URB2: variants seen among roughly 807,000 people sequenced by gnomAD.
URB2 encodes unhealthy ribosome biogenesis protein 2 homolog.
Under a neutral mutation model 120.9 loss-of-function variants are expected in URB2, and 86 were observed. The ratio of observed to expected loss-of-function variants is 0.71; its 90% CI spans 0.60 to 0.85. The LOEUF (loss-of-function observed/expected upper bound fraction) is 0.85. URB2 is among the 40% of genes least tolerant of loss of function. The pLI, the probability that URB2 is intolerant of heterozygous loss-of-function variation, is 0.00. For missense variants in URB2, 1,765 were observed against 1,836.5 expected (o/e 0.96, Z 0.71); for synonymous variants, 755 against 758.4 (o/e 1.00, Z 0.07).
chr1:229,635,939 G>T lies in URB2; in HGVS notation c.1326G>T (p.Glu442Asp), dbSNP rs761530242. 6.2e-7 allele frequency: 1 copy of T among 1,614,080 alleles called. No individual in the cohort carries two copies. The highest frequency in any genetic ancestry group is 8.5e-7 in the Non-Finnish European group (1 of 1,180,040). Residue 442 changes from glutamate (E) to aspartate (D), a missense_variant, in exon 4 of 10, where the codon GAG (glutamate) becomes GAT (aspartate). Glu to Asp is a conservative substitution (Grantham distance 45). Transcript: ENST00000258243. ...ASAWIDAEVT[E>D]FRTKKAQEAL... The stretch of plus-strand genomic sequence containing the variant: ...CGTGGATCGATGCCGAGGTAACAGA[G>T]TTTCGAACCAAAAAAGCCCAGGAGG...
intron 4 of URB2, among the ~76,000 whole-genome samples, chr1:229,642,733 A>G (rs1360805579): frequency 6.6e-6 from 1 of 152,184 alleles, no homozygotes; most frequent in Non-Finnish European, 1.5e-5. Flanking sequence ...TTGCAGCCCT[A>G]CCGATTTTAT....
chr1:229,635,331 A>G lies in URB2; in HGVS notation c.718A>G (p.Met240Val), dbSNP rs771663196. ...SRDIRSQIEA[M>V]FRGGIFQPEL... ...GGACATCAGGAGTCAGATTGAGGCC[A>G]TGTTCCGAGGAGGGATTTTTCAGCC... Residue 240 changes from methionine (M) to valine (V), a missense_variant, in exon 4 of 10, where the codon ATG becomes GTG. Coordinates refer to ENST00000258243, the MANE Select transcript of URB2 (RefSeq NM_014777.4). 17 of 1,614,130 alleles carry G rather than the reference A, an allele frequency of 1.1e-5. No homozygotes were observed. Among genetic ancestry groups the G allele is most frequent in the Non-Finnish European group, 1.2e-5 (14 of 1,179,980 alleles).
At position 229,636,496 on chromosome 1, in the gene URB2, A is replaced by T; in HGVS notation, c.1883A>T (p.His628Leu). Residue 628 changes from histidine (H) to leucine (L), a missense_variant, in exon 4 of 10, where the codon CAC (histidine) becomes CTC (leucine). By Grantham distance (99) the His-to-Leu change is moderately conservative. Coordinates refer to ENST00000258243, the MANE Select transcript of URB2 (RefSeq NM_014777.4). ...TTCAGTTTGAACTGTAGCCAGTATC[A>T]CTCTATGTCTGGGCCCCTTATAGGT... ...AMFSLNCSQY[H>L]SMSGPLIGVA... 6.2e-7 allele frequency: 1 copy of T among 1,613,948 alleles called. No individual in the cohort carries two copies. Among genetic ancestry groups the T allele is most frequent in the Non-Finnish European group, 8.5e-7 (1 of 1,179,998 alleles).
chr1:229,643,709 C>G lies in URB2; in HGVS notation c.3795+16C>G. On this transcript the variant is annotated intron_variant, in intron 5 of 9. Coordinates refer to ENST00000258243, the MANE Select transcript of URB2 (RefSeq NM_014777.4). Reference sequence around the variant, plus strand: ...AGATGTGCAGGTGGGTGCCTTCTCCCTCCTTGTGTGGCAGGCTCAGAAACC... The same window carrying G: ...AGATGTGCAGGTGGGTGCCTTCTCCGTCCTTGTGTGGCAGGCTCAGAAACC... The G allele has an allele frequency of 6.2e-7, 1 of 1,604,450 alleles. No homozygotes were observed. Among genetic ancestry groups the G allele is most frequent in the Non-Finnish European group, 8.5e-7 (1 of 1,174,880 alleles).
Position 229,638,041 on chromosome 1 carries a change from G to C in URB2, c.3428G>C (p.Ser1143Thr). 1 of 1,613,496 alleles carries C rather than the reference G, an allele frequency of 6.2e-7. No homozygotes were observed. Among genetic ancestry groups the C allele is most frequent in the Non-Finnish European group, 8.5e-7 (1 of 1,179,622 alleles). Residue 1143 changes from serine (S) to threonine (T), a missense_variant, in exon 4 of 10, where the codon AGC (serine) becomes ACC (threonine). By Grantham distance (58) the Ser-to-Thr change is moderately conservative. Coordinates refer to ENST00000258243, the MANE Select transcript of URB2 (RefSeq NM_014777.4). ...GGAGGGGCCGACATTTCCCAAGGAA[G>C]CGACAGGACGCTGCTCTCCCATGTT... ...RDGGADISQG[S>T]DRTLLSHVAL...
Position 229,632,398 on chromosome 1 carries a change from C to G in URB2, c.256C>G (p.Leu86Val). Residue 86 changes from leucine to valine, a missense_variant, in exon 3 of 10, where the codon CTC becomes GTC. Transcript: ENST00000258243. ...NILHSRKLQN[L>V]LKNGKTINLQ... is the part of the protein sequence containing the mutation. ...TTTACATAGCAGAAAATTGCAGAAT[C>G]TCCTCAAGAATGGAAAGACCATTAA... is the stretch of plus-strand genomic sequence containing the variant. The G allele has an allele frequency of 6.3e-7, 1 of 1,583,194 alleles. No homozygotes were observed. The highest frequency in any genetic ancestry group is 8.5e-7 in the Non-Finnish European group (1 of 1,169,698).
intron 4 of URB2, among the ~76,000 whole-genome samples, chr1:229,640,304 T>C (rs1665972362): frequency 6.6e-6 from 1 of 152,240 alleles, no homozygotes; most frequent in Non-Finnish European, 1.5e-5. Flanking sequence ...GGTTTTCCTC[T>C]ACAGTGAAGG....
chr1:229,636,896 C>T lies in URB2; in HGVS notation c.2283C>T (p.Tyr761=), dbSNP rs553324285. The T allele has an allele frequency of 4.3e-5, 70 of 1,611,212 alleles. No homozygotes were observed. In the Admixed American group the frequency reaches 1.1e-3, roughly 25 times the overall value. ...ATCTGTGTCCAGATGATGTGGGATA[C>T]CTGGCCAGTGTCCTGCTGAGAACTT... The part of the protein sequence containing the change: ...ISYLCPDDVG[Y]LASVLLRTLP... Residue 761 remains tyrosine (Y), a synonymous_variant, in exon 4 of 10, where the codon TAC becomes TAT. Coordinates refer to ENST00000258243, the MANE Select transcript of URB2 (RefSeq NM_014777.4).
rs371627284 is a variant in URB2 at position 229,647,556 on chromosome 1, T to G, written c.3953T>G (p.Val1318Gly). 1 of 1,614,186 alleles carries G rather than the reference T, an allele frequency of 6.2e-7. No homozygotes were observed. The highest frequency in any genetic ancestry group is 1.7e-5 in the Admixed American group (1 of 60,026). The change falls in exon 7 of 10, where the codon GTG becomes GGG. Residue 1318 changes from valine to glycine, a missense_variant. By Grantham distance (109) the Val-to-Gly change is moderately radical. Transcript: ENST00000258243. ...ASQEQPVSLT[V>G]VGPVLDVLAA... Reference sequence around the variant, plus strand: ...CAGGAGCAGCCTGTGTCCCTCACAGTGGTCGGGCCTGTCTTAGATGTCCTG... The same window carrying G: ...CAGGAGCAGCCTGTGTCCCTCACAGGGGTCGGGCCTGTCTTAGATGTCCTG...
chr1:229,636,596 G>A lies in URB2; in HGVS notation c.1983G>A (p.Lys661=). ...CACAGCATTGGAAGAAGATAGAGAA[G>A]TTTACAGCTCAGTTCAGCTCTCTTG... The part of the protein sequence containing the change: ...VKTQHWKKIE[K]FTAQFSSLGT... Residue 661 remains lysine, a synonymous_variant, in exon 4 of 10, where the codon AAG becomes AAA. Transcript: ENST00000258243. The A allele has an allele frequency of 1.2e-6, 2 of 1,614,224 alleles. No individual in the cohort carries two copies. Among genetic ancestry groups the A allele is most frequent in the Non-Finnish European group, 1.7e-6 (2 of 1,180,022 alleles).
rs916403750 is a variant in URB2, at chr1:229,635,342, A to C, written c.729A>C (p.Gly243=). The C allele has an allele frequency of 3.1e-6, 5 of 1,614,106 alleles. No homozygotes were observed. The Admixed American group carries it at 5.0e-5, about 16-fold the overall frequency. The part of the protein sequence containing the change: ...IRSQIEAMFR[G]GIFQPELLSS... ...GTCAGATTGAGGCCATGTTCCGAGG[A>C]GGGATTTTTCAGCCTGAGCTACTGT... Residue 243 remains glycine (G), a synonymous_variant, in exon 4 of 10, where the codon GGA becomes GGC. Coordinates refer to ENST00000258243, the MANE Select transcript of URB2 (RefSeq NM_014777.4).
Position 229,634,945 on chromosome 1 carries a change from C to T in URB2, c.332C>T (p.Ser111Phe), listed in dbSNP as rs1387122305. 2 of 1,538,872 alleles carry T rather than the reference C, an allele frequency of 1.3e-6. No individual in the cohort carries two copies. The highest frequency in any genetic ancestry group is 1.4e-5 in the African/African-American group (1 of 72,200). ...KIINERVAEF[S>F]LSGSQRNICA... ...ATCAATGAGAGAGTAGCTGAGTTCT[C>T]TCTTTCGGGATCCCAAAGAAACATC... The change falls in exon 4 of 10, where the codon TCT becomes TTT. Residue 111 changes from serine (S) to phenylalanine (F), a missense_variant. Transcript: ENST00000258243.
chr1:229,635,984 C>T lies in URB2; in HGVS notation c.1371C>T (p.Phe457=). 1 of 1,614,056 alleles carries T rather than the reference C, an allele frequency of 6.2e-7. No homozygotes were observed. Among genetic ancestry groups the T allele is most frequent in the Non-Finnish European group, 8.5e-7 (1 of 1,179,922 alleles). The stretch of plus-strand genomic sequence containing the variant: ...AGGAGGCGCTTATTCGTACTGTCTT[C>T]CAGACTTATGCCAAACTCCGACAAG... ...KAQEALIRTV[F]QTYAKLRQVP... Residue 457 remains phenylalanine (F), a synonymous_variant, in exon 4 of 10, where the codon TTC becomes TTT. Coordinates refer to ENST00000258243, the MANE Select transcript of URB2 (RefSeq NM_014777.4).
At chr1:229,659,033 G>A in intron 9 of URB2, 67 bp from the exon 10 acceptor site, 2 of 1,524,044 alleles carry the variant, frequency 1.3e-6, no homozygotes, top group Non-Finnish European at 1.8e-6. Flanking sequence ...CCAAGGCATT[G>A]TTGGCAGGTG....
intron 4 of URB2, among the ~76,000 whole-genome samples, chr1:229,638,740 G>T: frequency 6.6e-6 from 1 of 152,072 alleles, no homozygotes; most frequent in East Asian, 1.9e-4. Context: ...CATTCTAGGC[G>T]TACATAAGCA....
Position 229,654,281 on chromosome 1 carries a change from T to A in URB2, c.4270T>A (p.Cys1424Ser). 1 of 1,614,168 alleles carries A rather than the reference T, an allele frequency of 6.2e-7. No individual in the cohort carries two copies. The highest frequency in any genetic ancestry group is 2.2e-5 in the East Asian group (1 of 44,880). ...SIDDLPTVLK[C>S]ARLVERMYSH... The stretch of plus-strand genomic sequence containing the variant: ...AGATGACCTGCCTACGGTCCTAAAG[T>A]GTGCACGCCTGGTTGAAAGAATGTA... The change falls in exon 9 of 10, where the codon TGT becomes AGT. Residue 1424 changes from cysteine to serine, a missense_variant. By Grantham distance (112) the Cys-to-Ser change is moderately radical (BLOSUM62 -1). Transcript: ENST00000258243.
chr1:229,636,500 T>G lies in URB2; in HGVS notation c.1887T>G (p.Ser629=). The G allele has an allele frequency of 6.2e-7, 1 of 1,614,246 alleles. No individual in the cohort carries two copies. Among genetic ancestry groups the G allele is most frequent in the East Asian group, 2.2e-5 (1 of 44,888 alleles). The part of the protein sequence containing the change: ...MFSLNCSQYH[S]MSGPLIGVAL... Reference sequence around the variant, plus strand: ...GTTTGAACTGTAGCCAGTATCACTCTATGTCTGGGCCCCTTATAGGTGTTG... The same window carrying G: ...GTTTGAACTGTAGCCAGTATCACTCGATGTCTGGGCCCCTTATAGGTGTTG... The change falls in exon 4 of 10, where the codon TCT becomes TCG. Residue 629 remains serine, a synonymous_variant. Coordinates refer to ENST00000258243, the MANE Select transcript of URB2 (RefSeq NM_014777.4).
chr1:229,630,851 G>T (rs538712760), intron 2 of URB2, among the ~76,000 whole-genome samples: 21 of 151,848 alleles, frequency 1.4e-4, no homozygotes, highest in South Asian at 8.3e-4. Flanking sequence ...GCATGGTGGC[G>T]GGCACCTGTA....
At chr1:229,639,868 C>G (rs1665958648) in intron 4 of URB2, among the ~76,000 whole-genome samples, 1 of 152,200 alleles carries the variant, frequency 6.6e-6, no homozygotes, top group African/African-American at 2.4e-5. Context: ...TCTTCCTGCA[C>G]AGAGTCGACC....
Sources: gnomAD v4.1 joint callset for allele counts (sites outside exome capture counted in the v4.1 genomes callset) on GRCh38, gnomAD v4.1.1 for gene constraint, MANE v1.5 for transcripts, NCBI Gene and HGNC (gene_info 2026-07-23, HGNC 2026-07-21) for gene names.